The following UGT1A10 variants were observed in gnomAD, a reference collection of about 807,000 sequenced individuals.
UGT1A10 encodes the protein UDP-glucuronosyltransferase 1A10.
A neutral mutation model predicts 45.8 loss-of-function variants in UGT1A10; 49 were observed. That is an observed-to-expected ratio of 1.07 (90% CI 0.85 to 1.36). The LOEUF (loss-of-function observed/expected upper bound fraction) is 1.36. Among genes scored for constraint, UGT1A10 ranks in the 40% most tolerant of loss-of-function variants. The probability of loss-of-function intolerance (pLI) is 0.00; values close to 1 mark genes in which losing one functional copy is unlikely to be tolerated. For missense variants in UGT1A10, 745 were observed against 668.6 expected (o/e 1.11, Z -1.26); for synonymous variants, 284 against 249.7 (o/e 1.14, Z -1.29).
chr2:233,670,828 G>A lies in UGT1A10; in HGVS notation c.855+33451G>A, dbSNP rs28970010. Reference sequence around the variant, plus strand: ...AAAATCAAAAGAACTTTGAAAGACCGTCTCTTACTGGCAAGATATTACCTG... The same window carrying A: ...AAAATCAAAAGAACTTTGAAAGACCATCTCTTACTGGCAAGATATTACCTG... On this transcript the variant is annotated intron_variant, in intron 1 of 4. Transcript: ENST00000344644. 1.5e-3 allele frequency among the ~76,000 whole-genome samples: 236 copies of A among 152,270 alleles called. 4 individuals carry two copies. The East Asian group carries it at 0.042, about 27-fold the overall frequency.
intron 1 of UGT1A10, among the ~76,000 whole-genome samples, chr2:233,726,604 A>ACCCAGGAT (rs1166552006): frequency 1.2e-4 from 18 of 152,184 alleles, no homozygotes; most frequent in African/African-American, 4.3e-4. Flanking sequence ...TTGTGATTAC[A>ACCCAGGAT]CTGTCCTGCC....
At position 233,665,720 on chromosome 2, in the gene UGT1A10, G is replaced by A. The variant is rs1487391067; in HGVS notation, c.855+28343G>A. Among the ~76,000 whole-genome samples, 3 of 152,126 alleles carry A rather than the reference G, an allele frequency of 2.0e-5. No homozygotes were observed. In the East Asian group the frequency reaches 5.8e-4, roughly 29 times the overall value. ...ATCCCTACCAGATAGGGATTTTTAA[G>A]ATGCAAAAATATAATAATATACAGA... On this transcript the variant is annotated intron_variant, in intron 1 of 4. Transcript: ENST00000344644.
intron 1 of UGT1A10, among the ~76,000 whole-genome samples, chr2:233,678,182 C>T (rs2074410997): frequency 6.6e-6 from 1 of 152,144 alleles, no homozygotes; most frequent in Non-Finnish European, 1.5e-5. Flanking sequence ...AGAGGAAAGG[C>T]TGCAAGAGTT....
intron 1 of UGT1A10, among the ~76,000 whole-genome samples, chr2:233,701,797 G>A (rs981416770): frequency 2.0e-5 from 3 of 152,060 alleles, no homozygotes. Flanking sequence ...TGAAATCAAC[G>A]AGAACAAAGA....
At chr2:233,740,906 T>C (rs1395590000) in intron 1 of UGT1A10, 5 of 141,866 alleles carry the variant, frequency 3.5e-5, no homozygotes, top group East Asian at 3.9e-4. Flanking sequence ...TAGGTCAACA[T>C]TGTTCCCATC....
intron 1 of UGT1A10, among the ~76,000 whole-genome samples, chr2:233,744,344 C>A (rs1692781957): frequency 6.6e-6 from 1 of 151,846 alleles, no homozygotes; most frequent in African/African-American, 2.4e-5. Flanking sequence ...CTGACTGGGG[C>A]TGAAGACATC....
chr2:233,646,953 G>GGA (rs1219560474), intron 1 of UGT1A10, among the ~76,000 whole-genome samples: 5 of 152,168 alleles, frequency 3.3e-5, no homozygotes, highest in Admixed American at 6.5e-5. Context: ...CTGAGACTAA[G>GGA]GAATTTACAA....
chr2:233,768,231 A>T lies in UGT1A10; in HGVS notation c.1087A>T (p.Thr363Ser). ...PQNDLLGHPM[T>S]RAFITHAGSH... ...ATTTTGCATCTCAGGTCACCCGATG[A>T]CCCGTGCCTTTATCACCCATGCTGG... The change falls in exon 4 of 5, where the codon ACC (threonine) becomes TCC (serine). Residue 363 changes from threonine to serine, a missense_variant. Physicochemically the swap from Thr to Ser is moderately conservative, Grantham distance 58. Coordinates refer to ENST00000344644, the MANE Select transcript of UGT1A10 (RefSeq NM_019075.4). 1 of 1,614,162 alleles carries T rather than the reference A, an allele frequency of 6.2e-7. No individual in the cohort carries two copies. Among genetic ancestry groups the T allele is most frequent in the Middle Eastern group, 1.6e-4 (1 of 6,062 alleles).
Position 233,772,612 on chromosome 2 carries a change from A to C in UGT1A10, c.*53A>C. ...TTGAACCATTCCCTAGTCATTTCCAAACTTGAAAACAGAATCAGTGTTAAA... is the reference window on the plus strand; with the variant it reads ...TTGAACCATTCCCTAGTCATTTCCACACTTGAAAACAGAATCAGTGTTAAA... On this transcript the variant is annotated 3_prime_UTR_variant, in exon 5 of 5. Coordinates refer to ENST00000344644, the MANE Select transcript of UGT1A10 (RefSeq NM_019075.4). The C allele has an allele frequency of 6.3e-7, 1 of 1,577,490 alleles. No homozygotes were observed. Among genetic ancestry groups the C allele is most frequent in the Non-Finnish European group, 8.6e-7 (1 of 1,160,700 alleles).
At chr2:233,728,033 A>T (rs1286905135) in intron 1 of UGT1A10, among the ~76,000 whole-genome samples, 1 of 152,230 alleles carries the variant, frequency 6.6e-6, no homozygotes, top group African/African-American at 2.4e-5. Context: ...TTTCTGGAGT[A>T]GGATAAGCCT....
rs2077428129 is a variant in UGT1A10 at position 233,725,300 on chromosome 2, AGAGGCAGAGGCAGAGGCG to A, written c.856-41733_856-41716del. 1.1e-4 allele frequency among the ~76,000 whole-genome samples: 8 copies of A among 74,572 alleles called. 3 individuals carry two copies. The South Asian group carries it at 4.5e-3, about 42-fold the overall frequency. 48.9% of individuals were successfully genotyped at this position (74,572 alleles called of 152,430 possible). ...CAGAGGCAGAGGCAGAGGCAGAGGCAGAGGCAGAGGCAGAGGCGCCTGGTCAACAATCTTAAGTCCAAT... is the reference window on the plus strand; with the variant it reads ...CAGAGGCAGAGGCAGAGGCAGAGGCACCTGGTCAACAATCTTAAGTCCAAT... On this transcript the variant is annotated intron_variant, in intron 1 of 4. Transcript: ENST00000344644.
intron 1 of UGT1A10, among the ~76,000 whole-genome samples, chr2:233,756,899 G>C (rs917423369): frequency 1.6e-4 from 25 of 152,034 alleles, no homozygotes; most frequent in African/African-American, 5.8e-4. Context: ...TATCTCACCA[G>C]AACAAACTTC....
At chr2:233,657,724 C>A (rs1296231855) in intron 1 of UGT1A10, among the ~76,000 whole-genome samples, 1 of 152,148 alleles carries the variant, frequency 6.6e-6, no homozygotes, top group African/African-American at 2.4e-5. Context: ...AATTAAATTG[C>A]AATTTTAATT....
chr2:233,714,409 CTG>C (rs2076385433), intron 1 of UGT1A10, among the ~76,000 whole-genome samples: 1 of 152,130 alleles, frequency 6.6e-6, no homozygotes, highest in Non-Finnish European at 1.5e-5. Context: ...CAATGGATGT[CTG>C]TGATCAGAGA....
In UGT1A10 at chr2:233,672,984, A is replaced by ATT. The variant is rs564359853; in HGVS notation, c.855+35609_855+35610dup. Among the ~76,000 whole-genome samples the ATT allele has an allele frequency of 2.0e-3, 309 of 152,320 alleles. 1 individual carries two copies. The highest frequency in any genetic ancestry group is 6.6e-4 in the Non-Finnish European group (45 of 68,036). On this transcript the variant is annotated intron_variant, in intron 1 of 4. Coordinates refer to ENST00000344644, the MANE Select transcript of UGT1A10 (RefSeq NM_019075.4). ...AAAACTGCCCTTCTTGAAGATATGT[A>ATT]TTTATAACTTATAAAATTGTGGAAC...
Position 233,747,654 on chromosome 2 carries a change from G to A in UGT1A10, c.856-19380G>A, listed in dbSNP as rs538867928. 1.4e-5 allele frequency: 22 copies of A among 1,591,158 alleles called. No individual in the cohort carries two copies. In the South Asian group the frequency reaches 2.4e-4, roughly 18 times the overall value. On this transcript the variant is annotated intron_variant, in intron 1 of 4. Coordinates refer to ENST00000344644, the MANE Select transcript of UGT1A10 (RefSeq NM_019075.4). ...GCACCTGAATGCTACTTCCTTCGAT[G>A]TGGTTTTAATAGACCCAATTTACCT...
intron 1 of UGT1A10, among the ~76,000 whole-genome samples, chr2:233,761,431 T>C (rs1333766106): frequency 6.6e-6 from 1 of 152,234 alleles, no homozygotes; most frequent in Non-Finnish European, 1.5e-5. Context: ...TTAAATGCCA[T>C]AGGCACAGAA....
At position 233,729,155 on chromosome 2, in the gene UGT1A10, C is replaced by T. The variant is rs754518469; in HGVS notation, c.856-37879C>T. The T allele has an allele frequency of 1.4e-5, 23 of 1,613,596 alleles. No homozygotes were observed. The highest frequency in any genetic ancestry group is 5.0e-5 in the Admixed American group (3 of 60,022). On this transcript the variant is annotated intron_variant, in intron 1 of 4. Coordinates refer to ENST00000344644, the MANE Select transcript of UGT1A10 (RefSeq NM_019075.4). ...GCCACAGGACTCCAGGTTCCCCTGC[C>T]GTGGCTGGCCACAGGACTGCTGCTT...
chr2:233,640,348 T>A (rs1427077512), intron 1 of UGT1A10, among the ~76,000 whole-genome samples: 1 of 152,198 alleles, frequency 6.6e-6, no homozygotes, highest in African/African-American at 2.4e-5. Context: ...GTCATTTTTT[T>A]AGTGGAAATT....
Sources: allele counts gnomAD v4.1 joint callset (sites outside exome capture counted in the v4.1 genomes callset), GRCh38; gene constraint gnomAD v4.1.1; transcripts MANE v1.5; gene names NCBI Gene and HGNC (gene_info 2026-07-23, HGNC 2026-07-21).